Variants in HIVEP3 observed in about 807,000 individuals in gnomAD.
HIVEP3 encodes the protein transcription factor HIVEP3.
HIVEP3 carries 49 observed loss-of-function variants against 152.8 expected under a neutral mutation model. That is an observed-to-expected ratio of 0.32 (90% CI 0.26 to 0.41). HIVEP3 has a LOEUF of 0.41. Among genes scored for constraint, HIVEP3 ranks in the 10% least tolerant of loss-of-function variants. The probability of loss-of-function intolerance (pLI) is 1.00; values close to 1 mark genes in which losing one functional copy is unlikely to be tolerated. For missense variants in HIVEP3, 2,790 were observed against 3,103.3 expected (o/e 0.90, Z 2.40); for synonymous variants, 1,269 against 1,289.0 (o/e 0.98, Z 0.33).
intron 1 of HIVEP3, among the ~76,000 whole-genome samples, chr1:41,853,607 G>T (rs1204588987): frequency 6.6e-6 from 1 of 152,112 alleles, no homozygotes; most frequent in East Asian, 1.9e-4. Context: ...TTTTGGGTGG[G>T]GACACAGGCA....
intron 1 of HIVEP3, among the ~76,000 whole-genome samples, chr1:41,723,501 C>CACACACACACACA (rs57345431): frequency 1.6e-4 from 23 of 146,552 alleles, no homozygotes; most frequent in African/African-American, 5.8e-4. Context: ...CACACAGCCA[C>CACACACACACACA]CACACACACA....
intron 6 of HIVEP3, among the ~76,000 whole-genome samples, chr1:41,522,703 C>A (rs1642791775): frequency 6.6e-6 from 1 of 152,222 alleles, no homozygotes; most frequent in African/African-American, 2.4e-5. Flanking sequence ...ATGAAGGCAT[C>A]TCCTAGAAAG....
At chr1:41,898,054 GCAT>G (rs1422347703) in intron 1 of HIVEP3, among the ~76,000 whole-genome samples, 1 of 151,576 alleles carries the variant, frequency 6.6e-6, no homozygotes, top group Non-Finnish European at 1.5e-5. Flanking sequence ...ATCCCCACTG[GCAT>G]CATTTTGCTC....
chr1:41,681,776 A>C (rs1211503970), intron 2 of HIVEP3, among the ~76,000 whole-genome samples: 1 of 152,176 alleles, frequency 6.6e-6, no homozygotes, highest in Non-Finnish European at 1.5e-5. Context: ...GTGTTCAGCT[A>C]CATAAGTTCC....
At position 41,815,755 on chromosome 1, in the gene HIVEP3, T is replaced by G. The variant is rs987954841; in HGVS notation, c.-801+102658A>C. 8.0e-4 allele frequency among the ~76,000 whole-genome samples: 50 copies of G among 62,830 alleles called. 1 individual carries two copies. The South Asian group carries it at 0.043, about 53-fold the overall frequency. 41.2% of individuals were successfully genotyped at this position (62,830 alleles called of 152,430 possible). A position where few individuals can be genotyped will look rare whatever the true frequency, so the allele number is the denominator to read the frequency against. On this transcript the variant is annotated intron_variant, in intron 1 of 8. Coordinates refer to ENST00000372583, the MANE Select transcript of HIVEP3 (RefSeq NM_024503.5). Reference sequence around the variant, plus strand: ...GTAGGAATCGATGCTTTTTTATTGTTTTTTTTTTTTTTATTGTTGTTGTTG... The same window carrying G: ...GTAGGAATCGATGCTTTTTTATTGTGTTTTTTTTTTTTATTGTTGTTGTTG...
At chr1:41,824,784 T>TATATAG (rs1553266584) in intron 1 of HIVEP3, among the ~76,000 whole-genome samples, 16 of 11,378 alleles carry the variant, frequency 1.4e-3, no homozygotes, top group Non-Finnish European at 2.0e-3. Flanking sequence ...TATATATATA[T>TATATAG]AGAGAGAGAG....
intron 2 of HIVEP3, among the ~76,000 whole-genome samples, chr1:41,668,341 T>C (rs1327766575): frequency 6.6e-6 from 1 of 151,592 alleles, no homozygotes; most frequent in Non-Finnish European, 1.5e-5. Flanking sequence ...ACGGGAGGGG[T>C]GAGGCCTGGT....
At chr1:41,525,756 C>T (rs881719) in intron 5 of HIVEP3, among the ~76,000 whole-genome samples, 57,159 of 152,100 alleles carry the variant, frequency 0.38, 11,966 homozygotes, top group Non-Finnish European at 0.48. Flanking sequence ...AGAAGGAAAC[C>T]CACGAGTCCC....
intron 1 of HIVEP3, among the ~76,000 whole-genome samples, chr1:41,731,130 G>T (rs1466329077): frequency 6.6e-6 from 1 of 152,066 alleles, no homozygotes; most frequent in Admixed American, 6.5e-5. Flanking sequence ...GGAAAAAGGT[G>T]TACTGCGTAC....
At chr1:41,619,154 C>T (rs1190563083) in intron 3 of HIVEP3, among the ~76,000 whole-genome samples, 1 of 152,196 alleles carries the variant, frequency 6.6e-6, no homozygotes, top group African/African-American at 2.4e-5. Context: ...CCCACTCCTC[C>T]AGCCACACCA....
chr1:41,611,467 C>A (rs947102084), intron 3 of HIVEP3, among the ~76,000 whole-genome samples: 1 of 152,224 alleles, frequency 6.6e-6, no homozygotes, highest in Non-Finnish European at 1.5e-5. Flanking sequence ...GTCCTCAGAA[C>A]GAGCCTATCA....
upstream of HIVEP3, among the ~76,000 whole-genome samples, chr1:41,919,131 CAT>C (rs1309898273): frequency 4.0e-5 from 6 of 151,800 alleles, no homozygotes; most frequent in Non-Finnish European, 7.4e-5. Context: ...TATATGCACA[CAT>C]ATTATATATA....
intron 1 of HIVEP3, among the ~76,000 whole-genome samples, chr1:42,034,908 T>C (rs1645632479): frequency 6.6e-6 from 1 of 152,112 alleles, no homozygotes; most frequent in Non-Finnish European, 1.5e-5. Context: ...GTGCCATTAT[T>C]ACCAAAGCCT....
intron 1 of HIVEP3, among the ~76,000 whole-genome samples, chr1:41,735,464 G>A (rs929715205): frequency 2.6e-5 from 4 of 152,228 alleles, no homozygotes; most frequent in African/African-American, 9.7e-5. Context: ...AGCCACAACA[G>A]TGTGGGAGTT....
chr1:41,549,119 C>T (rs893659551), intron 5 of HIVEP3, among the ~76,000 whole-genome samples: 63 of 151,394 alleles, frequency 4.2e-4, no homozygotes, highest in African/African-American at 1.4e-3. Flanking sequence ...TGAGAACATG[C>T]GGTATTTCGT....
intron 1 of HIVEP3, among the ~76,000 whole-genome samples, chr1:41,990,431 A>G (rs564708681): frequency 1.3e-5 from 2 of 151,066 alleles, no homozygotes; most frequent in Non-Finnish European, 3.0e-5. Context: ...TAAAGGGATC[A>G]ATTCAACAAG....
chr1:41,770,390 C>T (rs757461038), intron 1 of HIVEP3, among the ~76,000 whole-genome samples: 46 of 152,168 alleles, frequency 3.0e-4, no homozygotes, highest in Non-Finnish European at 5.1e-4. Flanking sequence ...TTCCTCCCTG[C>T]AGCAGGTGGA....
chr1:41,619,342 C>T (rs1362957342), intron 3 of HIVEP3, among the ~76,000 whole-genome samples: 2 of 152,238 alleles, frequency 1.3e-5, no homozygotes, highest in African/African-American at 4.8e-5. Context: ...TCCTGACTGC[C>T]ACCTTGTCAC....
At chr1:41,697,562 C>T (rs1022578412) in intron 2 of HIVEP3, among the ~76,000 whole-genome samples, 1 of 152,196 alleles carries the variant, frequency 6.6e-6, no homozygotes, top group African/African-American at 2.4e-5. Context: ...CAAGGTGGGA[C>T]TGGCTGGCAG....
Sources: gnomAD v4.1 joint callset for allele counts (sites outside exome capture counted in the v4.1 genomes callset) on GRCh38, gnomAD v4.1.1 for gene constraint, MANE v1.5 for transcripts, NCBI Gene and HGNC (gene_info 2026-07-23, HGNC 2026-07-21) for gene names.